The following PDE1A variants were observed in gnomAD, a reference collection of about 807,000 sequenced individuals.
PDE1A encodes phosphodiesterase 1A, also known as dual specificity calcium/calmodulin-dependent 3',5'-cyclic nucleotide phosphodiesterase 1A.
PDE1A carries 35 observed loss-of-function variants against 61.7 expected under a neutral mutation model. The observed-to-expected ratio is 0.57, with a 90% CI of 0.43 to 0.75. The LOEUF (loss-of-function observed/expected upper bound fraction) is 0.75, where lower values mean the gene tolerates loss of function less well. Among genes scored for constraint, PDE1A ranks in the 30% least tolerant of loss-of-function variants. The pLI, the probability that PDE1A is intolerant of heterozygous loss-of-function variation, is 0.00. For synonymous variants in PDE1A, 232 were observed against 213.2 expected, an observed-to-expected ratio of 1.09 and a Z score of -0.77; for missense variants, 597 against 630.6, an observed-to-expected ratio of 0.95 and a Z score of 0.57.
At chr2:182,578,204 C>T in the PDE1A span, among the ~76,000 whole-genome samples, 472 of 152,204 alleles carry the variant, frequency 3.1e-3, 4 homozygotes, top group African/African-American at 0.011. Flanking sequence ...CTTCTAAACT[C>T]CCTTCTACTC....
At chr2:182,520,380 A>G (rs1179490220) in intron 2 of PDE1A, among the ~76,000 whole-genome samples, 1 of 151,936 alleles carries the variant, frequency 6.6e-6, no homozygotes, top group African/African-American at 2.4e-5. Flanking sequence ...TCAGTTAGAT[A>G]ATGATTTTTA....
At chr2:182,229,721 C>G (rs1689420699) in intron 6 of PDE1A, among the ~76,000 whole-genome samples, 1 of 151,440 alleles carries the variant, frequency 6.6e-6, no homozygotes, top group African/African-American at 2.4e-5. Flanking sequence ...TTTTGGTTGA[C>G]TCCTGCAGAA....
At chr2:182,689,962 C>A in the PDE1A span, among the ~76,000 whole-genome samples, 2 of 152,126 alleles carry the variant, frequency 1.3e-5, no homozygotes, top group Non-Finnish European at 2.9e-5. Flanking sequence ...CACATACACC[C>A]TCCCAAGACT....
At chr2:182,161,564 C>T (rs1452449555) in intron 13 of PDE1A, among the ~76,000 whole-genome samples, 1 of 152,068 alleles carries the variant, frequency 6.6e-6, no homozygotes, top group Non-Finnish European at 1.5e-5. Context: ...AATGGTCTCC[C>T]CTGCAGCAGT....
chr2:182,401,988 G>T (rs908230805), intron 1 of PDE1A, among the ~76,000 whole-genome samples: 6 of 152,112 alleles, frequency 3.9e-5, no homozygotes, highest in African/African-American at 1.4e-4. Context: ...GACCTCTCAA[G>T]GAGAGCTACA....
At chr2:182,573,882 A>T in the PDE1A span, among the ~76,000 whole-genome samples, 1 of 144,310 alleles carries the variant, frequency 6.9e-6, no homozygotes, top group Non-Finnish European at 1.5e-5. Flanking sequence ...TATATATATT[A>T]ATATATATAC....
At chr2:182,630,300 C>T in the PDE1A span, among the ~76,000 whole-genome samples, 1 of 152,142 alleles carries the variant, frequency 6.6e-6, no homozygotes, top group South Asian at 2.1e-4. Flanking sequence ...GTCAGTGATA[C>T]AATTTTATTT....
chr2:182,298,530 T>G (rs1320109464), intron 1 of PDE1A, among the ~76,000 whole-genome samples: 1 of 152,044 alleles, frequency 6.6e-6, no homozygotes, highest in Admixed American at 6.6e-5. Context: ...AACTGAGTCC[T>G]CCAATTTCTT....
the PDE1A span, among the ~76,000 whole-genome samples, chr2:182,706,283 T>A: frequency 6.6e-6 from 1 of 152,188 alleles, no homozygotes; most frequent in Non-Finnish European, 1.5e-5. Context: ...CCATTCAACA[T>A]TGAGTAGGAT....
intron 2 of PDE1A, chr2:182,242,075 G>C (rs1690559706): frequency 5.3e-6 from 7 of 1,312,218 alleles, no homozygotes; most frequent in Non-Finnish European, 6.8e-6. Flanking sequence ...GTGTAATCTT[G>C]TGATGTCACC....
chr2:182,179,966 T>C (rs1042148968), intron 13 of PDE1A, among the ~76,000 whole-genome samples: 11 of 152,182 alleles, frequency 7.2e-5, no homozygotes. Flanking sequence ...TGAGCAAACA[T>C]CTGGAATTCT....
chr2:182,629,781 G>T, the PDE1A span, among the ~76,000 whole-genome samples: 1 of 152,136 alleles, frequency 6.6e-6, no homozygotes, highest in Admixed American at 6.5e-5. Context: ...AGCATCCTAT[G>T]CATTTATTTC....
At chr2:182,244,260 C>A (rs1277573525) in intron 2 of PDE1A, among the ~76,000 whole-genome samples, 2 of 152,138 alleles carry the variant, frequency 1.3e-5, no homozygotes, top group Non-Finnish European at 2.9e-5. Flanking sequence ...TTATGCCTAT[C>A]AGAGATCTCT....
At chr2:182,186,409 G>T in intron 12 of PDE1A, 59 bp downstream of exon 12, 1 of 1,557,992 alleles carries the variant, frequency 6.4e-7, no homozygotes, top group South Asian at 1.2e-5. Context: ...TAATCATTAA[G>T]GAAAGTGTTA....
chr2:182,327,523 C>T (rs1456478937), intron 1 of PDE1A, among the ~76,000 whole-genome samples: 1 of 152,112 alleles, frequency 6.6e-6, no homozygotes, highest in African/African-American at 2.4e-5. Flanking sequence ...CAACAGAAGT[C>T]ATTGAGATGG....
chr2:182,212,799 C>T (rs1222901432), intron 7 of PDE1A, among the ~76,000 whole-genome samples: 1 of 152,232 alleles, frequency 6.6e-6, no homozygotes. Flanking sequence ...GCTAGCACAG[C>T]AGTCTGAGAT....
intron 1 of PDE1A, among the ~76,000 whole-genome samples, chr2:182,309,696 G>A (rs1559322873): frequency 6.6e-6 from 1 of 152,006 alleles, no homozygotes; most frequent in African/African-American, 2.4e-5. Flanking sequence ...AATCAATGAA[G>A]AAAACCTTAT....
the PDE1A span, among the ~76,000 whole-genome samples, chr2:182,674,730 T>C: frequency 6.6e-6 from 1 of 152,124 alleles, no homozygotes; most frequent in South Asian, 2.1e-4. Flanking sequence ...AGTTCCATTT[T>C]CACAACTGTT....
chr2:182,331,402 A>G (rs1697399007), intron 1 of PDE1A, among the ~76,000 whole-genome samples: 1 of 152,138 alleles, frequency 6.6e-6, no homozygotes, highest in African/African-American at 2.4e-5. Context: ...TATGCTAGCT[A>G]GTTATTTTGC....
Sources: allele counts gnomAD v4.1 joint callset (sites outside exome capture counted in the v4.1 genomes callset), GRCh38; gene constraint gnomAD v4.1.1; transcripts MANE v1.5; gene names NCBI Gene and HGNC (gene_info 2026-07-23, HGNC 2026-07-21).